Variants in NRXN3 observed in about 807,000 individuals in gnomAD.
The protein encoded by NRXN3 is neurexin 3, also known as neurexin III.
NRXN3 carries 32 observed loss-of-function variants against 137.6 expected under a neutral mutation model. The observed-to-expected ratio is 0.23, with a 90% CI of 0.18 to 0.31. NRXN3 has a LOEUF of 0.31. Ranked by LOEUF, NRXN3 falls within the 10% of genes least tolerant of loss-of-function variation. The pLI, the probability that NRXN3 is intolerant of heterozygous loss-of-function variation, is 1.00. For missense variants in NRXN3, 1,574 were observed against 2,062.5 expected (o/e 0.76, Z 4.59); for synonymous variants, 798 against 784.5 (o/e 1.02, Z -0.29).
chr14:78,549,636 T>C (rs540666713), intron 4 of NRXN3, among the ~76,000 whole-genome samples: 37 of 152,220 alleles, frequency 2.4e-4, no homozygotes, highest in Non-Finnish European at 4.9e-4. Flanking sequence ...AATAAATGTA[T>C]GGATGAACTG....
At chr14:78,521,213 G>T (rs1218611255) in intron 4 of NRXN3, among the ~76,000 whole-genome samples, 1 of 151,960 alleles carries the variant, frequency 6.6e-6, no homozygotes, top group East Asian at 1.9e-4. Context: ...ATTTATTTCT[G>T]CCTCTTTCTG....
intron 14 of NRXN3, among the ~76,000 whole-genome samples, chr14:78,968,930 G>A (rs1455068307): frequency 6.6e-6 from 1 of 152,158 alleles, no homozygotes; most frequent in African/African-American, 2.4e-5. Context: ...TATGGGCTTT[G>A]ATATTAGAAA....
chr14:78,173,559 C>A (rs2058953411), intron 1 of NRXN3, among the ~76,000 whole-genome samples: 1 of 145,946 alleles, frequency 6.9e-6, no homozygotes, highest in Admixed American at 6.9e-5. Flanking sequence ...CCCCTCCATC[C>A]TCCCCCAATT....
In NRXN3 at chr14:78,714,767, G is replaced by T; in HGVS notation, c.1672G>T (p.Val558Leu). The T allele has an allele frequency of 6.2e-7, 1 of 1,613,770 alleles. No individual in the cohort carries two copies. ...TCTTCCCACCCCAGGTACTATATCAGTGAACAGCAGGCGCACGCCATTCAC... is the reference window on the plus strand; with the variant it reads ...TCTTCCCACCCCAGGTACTATATCATTGAACAGCAGGCGCACGCCATTCAC... The part of the protein sequence containing the change: ...QRDGRSGTIS[V>L]NSRRTPFTAS... The change falls in exon 8 of 21, where the codon GTG becomes TTG. Residue 558 changes from valine (V) to leucine (L), a missense_variant. By Grantham distance (32) the Val-to-Leu change is conservative (BLOSUM62 1). Coordinates refer to ENST00000335750, the MANE Select transcript of NRXN3 (RefSeq NM_001330195.2).
At chr14:78,832,009 C>A (rs1317773400) in intron 10 of NRXN3, among the ~76,000 whole-genome samples, 1 of 151,772 alleles carries the variant, frequency 6.6e-6, no homozygotes, top group African/African-American at 2.4e-5. Flanking sequence ...AAGAGGAGGA[C>A]AAAAAGGTTA....
intron 10 of NRXN3, among the ~76,000 whole-genome samples, chr14:78,823,581 G>T (rs2098957353): frequency 1.3e-5 from 2 of 152,166 alleles, no homozygotes; most frequent in Middle Eastern, 3.4e-3. Flanking sequence ...TATAAAATTG[G>T]AAAGGAGAAC....
chr14:78,605,928 TA>T (rs1215559826), intron 4 of NRXN3, among the ~76,000 whole-genome samples: 4 of 152,154 alleles, frequency 2.6e-5, no homozygotes, highest in African/African-American at 9.7e-5. Flanking sequence ...CATGTGATTA[TA>T]AGTGTGCGAG....
At chr14:79,175,971 TA>T (rs1352532057) in intron 15 of NRXN3, among the ~76,000 whole-genome samples, 4 of 152,214 alleles carry the variant, frequency 2.6e-5, no homozygotes, top group Non-Finnish European at 5.9e-5. Context: ...TGATGGCTTT[TA>T]AAAGAGGTGT....
At chr14:78,342,452 A>T (rs2082248169) in intron 4 of NRXN3, among the ~76,000 whole-genome samples, 1 of 152,202 alleles carries the variant, frequency 6.6e-6, no homozygotes. Flanking sequence ...TGATAGTAAT[A>T]ATAATAGTTA....
intron 4 of NRXN3, among the ~76,000 whole-genome samples, chr14:78,415,437 T>C (rs1418031894): frequency 1.3e-5 from 2 of 152,194 alleles, no homozygotes; most frequent in Non-Finnish European, 2.9e-5. Flanking sequence ...GTTGACTGGG[T>C]AAGCCGTCCA....
chr14:78,205,197 C>T (rs771143754), intron 1 of NRXN3, among the ~76,000 whole-genome samples: 11 of 152,266 alleles, frequency 7.2e-5, no homozygotes, highest in Non-Finnish European at 1.5e-4. Context: ...AATATCATTG[C>T]GAGGACTGAT....
At chr14:79,213,494 T>C (rs2068009689) in intron 15 of NRXN3, among the ~76,000 whole-genome samples, 1 of 152,142 alleles carries the variant, frequency 6.6e-6, no homozygotes, top group Admixed American at 6.6e-5. Flanking sequence ...CACAAATTAC[T>C]TCAAAGAAAC....
At chr14:78,720,281 C>G (rs1420813321) in intron 8 of NRXN3, among the ~76,000 whole-genome samples, 1 of 152,134 alleles carries the variant, frequency 6.6e-6, no homozygotes, top group Non-Finnish European at 1.5e-5. Context: ...CTTGACATCT[C>G]CATTTGGATA....
At chr14:79,034,545 TG>T (rs2099613130) in intron 15 of NRXN3, among the ~76,000 whole-genome samples, 1 of 152,108 alleles carries the variant, frequency 6.6e-6, no homozygotes, top group African/African-American at 2.4e-5. Flanking sequence ...GCTCCGCACT[TG>T]GGATGGGAGA....
At chr14:78,220,705 T>C (rs1388566003) in intron 1 of NRXN3, among the ~76,000 whole-genome samples, 1 of 151,892 alleles carries the variant, frequency 6.6e-6, no homozygotes, top group Non-Finnish European at 1.5e-5. Context: ...AAAGTGTTGA[T>C]AGAACAGGGT....
chr14:79,656,131 A>T (rs545165234), intron 16 of NRXN3, among the ~76,000 whole-genome samples: 1 of 152,258 alleles, frequency 6.6e-6, no homozygotes, highest in Admixed American at 6.5e-5. Context: ...AAGGACTGTA[A>T]TGTTTGTTGT....
At chr14:79,706,175 C>G (rs1273862731) in intron 19 of NRXN3, among the ~76,000 whole-genome samples, 2 of 152,158 alleles carry the variant, frequency 1.3e-5, no homozygotes, top group Non-Finnish European at 2.9e-5. Flanking sequence ...CTCCTTGTCT[C>G]TGGTATGTAA....
At chr14:79,600,260 C>T (rs1229420559) in intron 16 of NRXN3, among the ~76,000 whole-genome samples, 1 of 152,076 alleles carries the variant, frequency 6.6e-6, no homozygotes, top group African/African-American at 2.4e-5. Context: ...TTTTGTGAGC[C>T]TTATTCTAGC....
At chr14:78,779,796 T>C (rs1364785714) in intron 8 of NRXN3, among the ~76,000 whole-genome samples, 1 of 152,240 alleles carries the variant, frequency 6.6e-6, no homozygotes, top group African/African-American at 2.4e-5. Context: ...CAAAATATTA[T>C]TGAAGATTAT....
Sources: allele counts gnomAD v4.1 joint callset (sites outside exome capture counted in the v4.1 genomes callset), GRCh38; gene constraint gnomAD v4.1.1; transcripts MANE v1.5; gene names NCBI Gene and HGNC (gene_info 2026-07-23, HGNC 2026-07-21).